KLHL5: variants seen among roughly 807,000 people sequenced by gnomAD.
The protein encoded by KLHL5 is kelch-like protein 5.
Under a neutral mutation model 77.7 loss-of-function variants are expected in KLHL5, and 48 were observed. The observed-to-expected ratio is 0.62, with a 90% CI of 0.49 to 0.79. The LOEUF (loss-of-function observed/expected upper bound fraction) is 0.79. Ranked by LOEUF, KLHL5 falls within the 30% of genes least tolerant of loss-of-function variation. The probability of loss-of-function intolerance (pLI) is 0.00; values close to 1 mark genes in which losing one functional copy is unlikely to be tolerated. For synonymous variants in KLHL5, 260 were observed against 297.0 expected (o/e 0.88, Z 1.28); for missense variants, 723 against 859.7 (o/e 0.84, Z 1.99).
At chr4:39,072,623 C>T (rs1363225770) in intron 1 of KLHL5, among the ~76,000 whole-genome samples, 2 of 152,166 alleles carry the variant, frequency 1.3e-5, no homozygotes, top group Non-Finnish European at 2.9e-5. Context: ...TTAAAATAGC[C>T]TCATGGGGCT....
intron 1 of KLHL5, among the ~76,000 whole-genome samples, chr4:39,055,308 G>A (rs575679076): frequency 2.6e-5 from 4 of 152,360 alleles, no homozygotes; most frequent in African/African-American, 7.2e-5. Context: ...TGAAGAAAGC[G>A]ATGCATTAAT....
intron 1 of KLHL5, among the ~76,000 whole-genome samples, chr4:39,074,436 AACCCGTGTATAGAGAAAGAAAATAT>A (rs1718811118): frequency 6.6e-6 from 1 of 152,176 alleles, no homozygotes; most frequent in Non-Finnish European, 1.5e-5. Context: ...CTCTCCCTTC[AACCCGTGTATAGAGAAAGAAAATAT>A]GGAAAAGCCA....
chr4:39,141,603 G>A, the KLHL5 span, among the ~76,000 whole-genome samples: 1 of 152,034 alleles, frequency 6.6e-6, no homozygotes, highest in Non-Finnish European at 1.5e-5. Flanking sequence ...GAGCCACCGA[G>A]CCCGGCCTAT....
At chr4:39,110,921 G>T (rs1034158894) in intron 8 of KLHL5, among the ~76,000 whole-genome samples, 4 of 152,082 alleles carry the variant, frequency 2.6e-5, no homozygotes, top group Admixed American at 6.5e-5. Flanking sequence ...TGAGTTCTGA[G>T]TCTTACATGG....
chr4:39,097,082 A>G (rs1479604905), intron 6 of KLHL5, among the ~76,000 whole-genome samples: 2 of 152,232 alleles, frequency 1.3e-5, no homozygotes, highest in African/African-American at 4.8e-5. Flanking sequence ...AAGACACAGG[A>G]AACAGCTTGC....
chr4:39,111,804 T>C (rs1009039976), intron 8 of KLHL5, among the ~76,000 whole-genome samples: 4 of 152,188 alleles, frequency 2.6e-5, no homozygotes, highest in Non-Finnish European at 4.4e-5. Flanking sequence ...TATAACCATA[T>C]GTTGCTGTTT....
At chr4:39,077,702 A>C (rs1021130623) in intron 2 of KLHL5, among the ~76,000 whole-genome samples, 5 of 151,258 alleles carry the variant, frequency 3.3e-5, no homozygotes, top group Non-Finnish European at 5.9e-5. Context: ...GGTAAAAAAA[A>C]AAAAAAACAA....
intron 6 of KLHL5, among the ~76,000 whole-genome samples, chr4:39,098,513 C>T (rs1201055349): frequency 1.3e-5 from 2 of 151,472 alleles, no homozygotes; most frequent in Admixed American, 6.6e-5. Flanking sequence ...GTGATCTGTC[C>T]GCCTCAACCT....
At chr4:39,083,323 G>A (rs1719785664) in intron 4 of KLHL5, among the ~76,000 whole-genome samples, 1 of 152,120 alleles carries the variant, frequency 6.6e-6, no homozygotes, top group African/African-American at 2.4e-5. Context: ...CAGTCAGTGA[G>A]TCTCATTCCA....
At chr4:39,103,609 G>A (rs753983785) in intron 7 of KLHL5, 98 bp downstream of exon 7, 77 of 858,062 alleles carry the variant, frequency 9.0e-5, no homozygotes, top group Middle Eastern at 5.2e-4. Flanking sequence ...CAGCCACTGC[G>A]TCAGCAGCAG....
intron 5 of KLHL5, among the ~76,000 whole-genome samples, chr4:39,094,904 A>G (rs1720916048): frequency 6.6e-6 from 1 of 152,166 alleles, no homozygotes; most frequent in Admixed American, 6.5e-5. Flanking sequence ...AAAGCAATAA[A>G]ATCTTGCCAG....
chr4:39,079,005 GATACTACT>G (rs1441512814), intron 2 of KLHL5, among the ~76,000 whole-genome samples: 1 of 131,322 alleles, frequency 7.6e-6, no homozygotes, highest in East Asian at 1.9e-4. Flanking sequence ...CATTTATTGA[GATACTACT>G]ATGTACTGTG....
chr4:39,127,803 TG>T (rs1355342099), downstream of KLHL5, among the ~76,000 whole-genome samples: 1 of 152,092 alleles, frequency 6.6e-6, no homozygotes, highest in East Asian at 1.9e-4. Context: ...CCCTGCTTAG[TG>T]GTAGCTGGAG....
At chr4:39,134,850 A>G in the KLHL5 span, among the ~76,000 whole-genome samples, 1 of 152,350 alleles carries the variant, frequency 6.6e-6, no homozygotes, top group South Asian at 2.1e-4. Context: ...GCAGTCATGA[A>G]TGGAAATGAG....
upstream of KLHL5, among the ~76,000 whole-genome samples, chr4:39,058,612 G>A (rs1171604771): frequency 6.6e-6 from 1 of 151,990 alleles, no homozygotes; most frequent in Non-Finnish European, 1.5e-5. Context: ...GTGATACCCT[G>A]TCTCAAAAAA....
chr4:39,068,632 A>C lies in KLHL5; in HGVS notation c.383+5597A>C, dbSNP rs376713085. On this transcript the variant is annotated intron_variant, in intron 1 of 10. Coordinates refer to ENST00000504108, the MANE Select transcript of KLHL5 (RefSeq NM_015990.5). Reference sequence around the variant, plus strand: ...GTTCCCAGAACTGCTGGGAAGGCTGAAGAATTGGCATACGAAAAGGATAGG... The same window carrying C: ...GTTCCCAGAACTGCTGGGAAGGCTGCAGAATTGGCATACGAAAAGGATAGG... 2.6e-5 allele frequency among the ~76,000 whole-genome samples: 4 copies of C among 152,296 alleles called. No homozygotes were observed. The South Asian group carries it at 8.3e-4, about 32-fold the overall frequency.
chr4:39,136,005 C>CGTGTGTGTGTGTGTGT, the KLHL5 span, among the ~76,000 whole-genome samples: 1 of 145,920 alleles, frequency 6.9e-6, no homozygotes, highest in African/African-American at 2.6e-5. Context: ...CATTCTAACA[C>CGTGTGTGTGTGTGTGT]GTGTGTGTGT....
At chr4:39,101,929 TAC>T (rs553141104) in intron 6 of KLHL5, among the ~76,000 whole-genome samples, 1 of 135,746 alleles carries the variant, frequency 7.4e-6, no homozygotes, top group Non-Finnish European at 1.5e-5. Context: ...TATACATATA[TAC>T]ACACATATAT....
chr4:39,076,417 C>T (rs535586101), intron 2 of KLHL5, among the ~76,000 whole-genome samples: 1 of 149,884 alleles, frequency 6.7e-6, no homozygotes, highest in South Asian at 2.1e-4. Context: ...CTATAAGAAG[C>T]TTTTATGCCA....
Sources: allele counts gnomAD v4.1 joint callset (sites outside exome capture counted in the v4.1 genomes callset), GRCh38; gene constraint gnomAD v4.1.1; transcripts MANE v1.5; gene names NCBI Gene and HGNC (gene_info 2026-07-23, HGNC 2026-07-21).